Variants in KMT2C observed in about 807,000 individuals in gnomAD.
KMT2C encodes histone-lysine N-methyltransferase 2C.
A neutral mutation model predicts 507.9 loss-of-function variants in KMT2C; 88 were observed. The ratio of observed to expected loss-of-function variants is 0.17; its 90% CI spans 0.15 to 0.21. The LOEUF is 0.21. Ranked by LOEUF, KMT2C falls within the 10% of genes least tolerant of loss-of-function variation. The probability of loss-of-function intolerance (pLI) is 1.00; values close to 1 mark genes in which losing one functional copy is unlikely to be tolerated. For missense variants in KMT2C, 4,954 were observed against 5,957.8 expected (o/e 0.83, Z 5.55); for synonymous variants, 2,049 against 2,080.8 (o/e 0.98, Z 0.42).
intron 6 of KMT2C, among the ~76,000 whole-genome samples, chr7:152,299,863 A>T (rs968671549): frequency 1.3e-5 from 2 of 152,074 alleles, no homozygotes; most frequent in African/African-American, 4.8e-5. Flanking sequence ...TTAAATACAA[A>T]GATGCAAACA....
chr7:152,364,545 A>G (rs2097221970), intron 1 of KMT2C, among the ~76,000 whole-genome samples: 1 of 150,936 alleles, frequency 6.6e-6, no homozygotes, highest in East Asian at 1.9e-4. Context: ...GGAGGTGGAG[A>G]CTGCAGTGAG....
intron 2 of KMT2C, among the ~76,000 whole-genome samples, chr7:152,334,904 C>T (rs1332738919): frequency 2.6e-5 from 4 of 152,168 alleles, no homozygotes; most frequent in African/African-American, 9.7e-5. Flanking sequence ...ATTTTGGGGT[C>T]TCTGTTACAG....
At chr7:152,330,174 G>GC (rs2096869161) in intron 3 of KMT2C, among the ~76,000 whole-genome samples, 1 of 131,996 alleles carries the variant, frequency 7.6e-6, no homozygotes, top group African/African-American at 2.8e-5. Context: ...GGTGGTGGGG[G>GC]GGGGGAGAAA....
At position 152,135,273 on chromosome 7, in the gene KMT2C, G is replaced by A. The variant is rs2089785263; in HGVS notation, c.*1559C>T. On this transcript the variant is annotated 3_prime_UTR_variant, in exon 59 of 59. Coordinates refer to ENST00000262189, the MANE Select transcript of KMT2C (RefSeq NM_170606.3). ...CAACAGTTTACAGTCCACTTGAATT[G>A]TGCACACAAAACTTCATTTTATACT... 4.5e-6 allele frequency: 1 copy of A among 220,362 alleles called. No homozygotes were observed. The highest frequency in any genetic ancestry group is 6.8e-5 in the East Asian group (1 of 14,710). 13.7% of individuals were successfully genotyped at this position (220,362 alleles called of 1,614,324 possible).
rs2129101668 is a variant in KMT2C at position 152,159,068 on chromosome 7, G to C, written c.11465C>G (p.Thr3822Ser). 1.2e-6 allele frequency: 2 copies of C among 1,613,980 alleles called. No individual in the cohort carries two copies. The highest frequency in any genetic ancestry group is 1.7e-6 in the Non-Finnish European group (2 of 1,179,916). The change falls in exon 44 of 59, where the codon ACT becomes AGT. Residue 3822 changes from threonine to serine, a missense_variant. Around this residue, in one of 29 missense-constraint regions of KMT2C, gnomAD observed 801 missense variants for 751.2 expected, o/e 1.07. Coordinates refer to ENST00000262189, the MANE Select transcript of KMT2C (RefSeq NM_170606.3). ...ACCACCTTGCATTTGAGCCCCCAAA[G>C]TTTGCTAATGTAATTGGAAAGGGTA... ...EKQNPAEGLQ[T>S]LGAQMQGGFG...
At chr7:152,415,455 G>A (rs1392648264) in intron 1 of KMT2C, among the ~76,000 whole-genome samples, 1 of 152,086 alleles carries the variant, frequency 6.6e-6, no homozygotes, top group Non-Finnish European at 1.5e-5. Context: ...ACAATGAAAT[G>A]AGGTGAAATT....
chr7:152,284,274 A>T (rs28651602), intron 6 of KMT2C, among the ~76,000 whole-genome samples: 1 of 152,146 alleles, frequency 6.6e-6, no homozygotes, highest in East Asian at 1.9e-4. Flanking sequence ...TAAGTCAGAA[A>T]AACAGAAAAT....
intron 52 of KMT2C, 39 bp downstream of exon 52, chr7:152,147,994 G>GT: frequency 6.6e-7 from 1 of 1,504,350 alleles, no homozygotes; most frequent in Non-Finnish European, 8.9e-7. Flanking sequence ...TGACATCAGA[G>GT]TAAGTAGCAC....
At chr7:152,313,795 T>C (rs2096696429) in intron 4 of KMT2C, among the ~76,000 whole-genome samples, 1 of 152,134 alleles carries the variant, frequency 6.6e-6, no homozygotes, top group African/African-American at 2.4e-5. Context: ...ACTAAGTATA[T>C]ATAAAGACTT....
At chr7:152,274,559 A>T (rs2096045342) in intron 6 of KMT2C, among the ~76,000 whole-genome samples, 1 of 143,250 alleles carries the variant, frequency 7.0e-6, no homozygotes, top group African/African-American at 2.5e-5. Context: ...GTGAACACAT[A>T]AGAAGTCAGA....
chr7:152,362,342 G>C (rs1487800670), intron 1 of KMT2C, among the ~76,000 whole-genome samples: 2 of 152,046 alleles, frequency 1.3e-5, no homozygotes, highest in African/African-American at 4.8e-5. Flanking sequence ...TACGGTGGCT[G>C]GGGCAGAGTC....
At position 152,290,288 on chromosome 7, in the gene KMT2C, ATATATATTTTTTTTTTTTTTT is replaced by A. The variant is rs2096402087; in HGVS notation, c.850-16442_850-16422del. On this transcript the variant is annotated intron_variant, in intron 6 of 58. Coordinates refer to ENST00000262189, the MANE Select transcript of KMT2C (RefSeq NM_170606.3). ...TATATATATATATATATATATATAT[ATATATATTTTTTTTTTTTTTT>A]TTTTTTTTTTTTTTTGTCTGAGATG... Among the ~76,000 whole-genome samples the A allele has an allele frequency of 7.2e-4, 23 of 31,958 alleles. 1 individual carries two copies. The highest frequency in any genetic ancestry group is 3.3e-3 in the African/African-American group (21 of 6,374). The allele number at this position is 31,958 out of a possible 152,430, so 21.0% of individuals were successfully genotyped here.
At chr7:152,143,284 G>C (rs904883938) in intron 55 of KMT2C, among the ~76,000 whole-genome samples, 3 of 152,218 alleles carry the variant, frequency 2.0e-5, no homozygotes, top group South Asian at 2.1e-4. Flanking sequence ...ACAAGATCAA[G>C]AGCAGAAAGG....
intron 31 of KMT2C, among the ~76,000 whole-genome samples, chr7:152,192,770 G>C (rs763689424): frequency 1.3e-5 from 2 of 152,142 alleles, no homozygotes; most frequent in Non-Finnish European, 2.9e-5. Context: ...CACACACTTT[G>C]GCACTTACAC....
At chr7:152,297,055 C>CAGACACAGAGAG (rs1315629061) in intron 6 of KMT2C, among the ~76,000 whole-genome samples, 7 of 84,406 alleles carry the variant, frequency 8.3e-5, no homozygotes. Flanking sequence ...GAAAGAAAGA[C>CAGACACAGAGAG]AGAGAGAGAG....
chr7:152,280,396 A>T (rs531177324), intron 6 of KMT2C, among the ~76,000 whole-genome samples: 166 of 152,322 alleles, frequency 1.1e-3, no homozygotes, highest in Middle Eastern at 0.01. Context: ...AAAATAAAAA[A>T]AAAAAATTAG....
chr7:152,352,340 A>G (rs1237594745), intron 2 of KMT2C, among the ~76,000 whole-genome samples: 1 of 152,140 alleles, frequency 6.6e-6, no homozygotes, highest in East Asian at 1.9e-4. Context: ...CTTCATTACC[A>G]ATTTTAATTT....
chr7:152,435,024 G>A (rs1186195337), intron 1 of KMT2C, among the ~76,000 whole-genome samples: 1 of 152,094 alleles, frequency 6.6e-6, no homozygotes, highest in East Asian at 1.9e-4. Context: ...TGGGGGAGGG[G>A]GGAGGAAGAA....
At chr7:152,139,294 C>CG in intron 56 of KMT2C, 35 bp from the exon 57 acceptor site, 1 of 1,583,708 alleles carries the variant, frequency 6.3e-7, no homozygotes, top group Non-Finnish European at 8.7e-7. Flanking sequence ...TCATCAATGT[C>CG]GACCTGAAAC....
Sources: gnomAD v4.1 joint callset for allele counts (sites outside exome capture counted in the v4.1 genomes callset) on GRCh38, gnomAD v4.1.1 for gene constraint, gnomAD v4.1.1 regional missense constraint, MANE v1.5 for transcripts, NCBI Gene and HGNC (gene_info 2026-07-23, HGNC 2026-07-21) for gene names.